Variants in SMIM14 observed in about 807,000 individuals in gnomAD.
SMIM14 encodes chromosome 4 open reading frame 34.
A neutral mutation model predicts 12.6 loss-of-function variants in SMIM14; 5 were observed. The ratio of observed to expected loss-of-function variants is 0.40; its 90% CI spans 0.21 to 0.83. SMIM14 has a LOEUF of 0.83. SMIM14 is among the 40% of genes least tolerant of loss of function. The pLI is 0.37. For missense variants in SMIM14, 86 were observed against 119.1 expected (o/e 0.72, Z 1.29); for synonymous variants, 30 against 40.1 (o/e 0.75, Z 0.95).
intron 1 of SMIM14, among the ~76,000 whole-genome samples, chr4:39,614,744 T>TA (rs1245412961): frequency 1.1e-4 from 16 of 152,348 alleles, no homozygotes; most frequent in Middle Eastern, 3.4e-3. Context: ...ACATGGTTTA[T>TA]AAGTGACTTT....
At chr4:39,635,728 T>C (rs760303849) in intron 1 of SMIM14, among the ~76,000 whole-genome samples, 2 of 152,248 alleles carry the variant, frequency 1.3e-5, no homozygotes, top group African/African-American at 2.4e-5. Context: ...AAACTCAAAA[T>C]AGGTTATTAG....
intron 2 of SMIM14, chr4:39,583,974 T>C (rs1216823550): frequency 6.6e-6 from 1 of 152,082 alleles, no homozygotes; most frequent in Non-Finnish European, 1.5e-5. Flanking sequence ...AGAACACAAG[T>C]ATGCACACTG....
At chr4:39,571,384 T>A (rs954325355) in intron 3 of SMIM14, among the ~76,000 whole-genome samples, 1 of 151,768 alleles carries the variant, frequency 6.6e-6, no homozygotes, top group African/African-American at 2.4e-5. Flanking sequence ...TTAAGACCCA[T>A]GTGGGCAACA....
intron 2 of SMIM14, among the ~76,000 whole-genome samples, chr4:39,580,614 C>T (rs1212356421): frequency 1.3e-5 from 2 of 152,062 alleles, no homozygotes; most frequent in Non-Finnish European, 2.9e-5. Flanking sequence ...GCAACCTCTG[C>T]CTCCCAGGTT....
chr4:39,610,651 C>T (rs1219478964), intron 1 of SMIM14, among the ~76,000 whole-genome samples: 3 of 148,984 alleles, frequency 2.0e-5, no homozygotes, highest in Middle Eastern at 3.4e-3. Flanking sequence ...GCTATGATCA[C>T]ACCACTGCAC....
chr4:39,605,288 G>T, intron 1 of SMIM14, 108 bp from the exon 2 acceptor site: 1 of 545,318 alleles, frequency 1.8e-6, no homozygotes, highest in Non-Finnish European at 3.2e-6. Flanking sequence ...ATTAAACTAT[G>T]TATAGTTTGT....
chr4:39,606,914 C>T lies in SMIM14; in HGVS notation c.-35-1734G>A, dbSNP rs537629841. Among the ~76,000 whole-genome samples the T allele has an allele frequency of 3.3e-5, 5 of 151,928 alleles. No homozygotes were observed. In the South Asian group the frequency reaches 6.2e-4, roughly 19 times the overall value. Reference sequence around the variant, plus strand: ...TGGTAGAGATAAAAACAATAGTGTCCGAAATGAAAAATACACCAGATGGGT... The same window carrying T: ...TGGTAGAGATAAAAACAATAGTGTCTGAAATGAAAAATACACCAGATGGGT... On this transcript the variant is annotated intron_variant, in intron 1 of 4. Coordinates refer to ENST00000295958, the MANE Select transcript of SMIM14 (RefSeq NM_174921.3).
chr4:39,612,009 T>C (rs1445657238), intron 1 of SMIM14: 5 of 151,798 alleles, frequency 3.3e-5, no homozygotes, highest in Non-Finnish European at 7.4e-5. Context: ...GAAAGGGAGA[T>C]GGAGATGCGG....
At chr4:39,568,020 G>C (rs1187448776) in intron 3 of SMIM14, among the ~76,000 whole-genome samples, 3 of 152,180 alleles carry the variant, frequency 2.0e-5, no homozygotes, top group Non-Finnish European at 2.9e-5. Context: ...GCTCACGCCT[G>C]TAATCCCAGC....
chr4:39,612,259 T>C (rs1715063148), intron 1 of SMIM14: 1 of 151,610 alleles, frequency 6.6e-6, no homozygotes, highest in Admixed American at 6.6e-5. Flanking sequence ...TTTCTTTTTT[T>C]GTTTTTTCTT....
chr4:39,614,390 C>T (rs959731215), intron 1 of SMIM14, among the ~76,000 whole-genome samples: 14 of 151,028 alleles, frequency 9.3e-5, no homozygotes, highest in African/African-American at 2.9e-4. Context: ...GGCACAATCT[C>T]GGCTCCCTGC....
intron 2 of SMIM14, among the ~76,000 whole-genome samples, chr4:39,596,314 C>G (rs1368179277): frequency 6.6e-6 from 1 of 152,096 alleles, no homozygotes; most frequent in East Asian, 1.9e-4. Flanking sequence ...AGGCTGGTCT[C>G]GAACTCCCGA....
chr4:39,578,282 G>T (rs1713305383), intron 2 of SMIM14, among the ~76,000 whole-genome samples: 1 of 152,070 alleles, frequency 6.6e-6, no homozygotes, highest in Non-Finnish European at 1.5e-5. Flanking sequence ...CAAGTAGCTG[G>T]TACCACAGGT....
chr4:39,563,439 T>G (rs1192000356), intron 3 of SMIM14, among the ~76,000 whole-genome samples: 2 of 152,190 alleles, frequency 1.3e-5, no homozygotes, highest in African/African-American at 2.4e-5. Flanking sequence ...ACACCACAGA[T>G]TCTAAGGCAC....
chr4:39,590,030 A>C, intron 2 of SMIM14, among the ~76,000 whole-genome samples: 1 of 151,072 alleles, frequency 6.6e-6, no homozygotes, highest in Non-Finnish European at 1.5e-5. Flanking sequence ...TTCAAAAAAA[A>C]AAAAAAAAAA....
chr4:39,615,091 A>G (rs1715171046), intron 1 of SMIM14, among the ~76,000 whole-genome samples: 1 of 151,464 alleles, frequency 6.6e-6, no homozygotes, highest in African/African-American at 2.5e-5. Flanking sequence ...TAGAGTCTCT[A>G]AAATGTTTTT....
At chr4:39,621,452 C>G (rs1715483429) in intron 1 of SMIM14, among the ~76,000 whole-genome samples, 1 of 152,120 alleles carries the variant, frequency 6.6e-6, no homozygotes, top group South Asian at 2.1e-4. Flanking sequence ...AAATTACAAA[C>G]TATGATAACT....
At chr4:39,622,301 C>T (rs537463192) in intron 1 of SMIM14, among the ~76,000 whole-genome samples, 7 of 152,250 alleles carry the variant, frequency 4.6e-5, no homozygotes, top group African/African-American at 1.2e-4. Context: ...CCAGGATGGT[C>T]TCGATCTCCT....
chr4:39,549,533 C>G lies in SMIM14; in HGVS notation c.*2593G>C, dbSNP rs987286742. ...AAGTGATCCACCTGCCCCAGCCTCC[C>G]AAAGTGCTGGGATTACAGGCATGAG... On this transcript the variant is annotated 3_prime_UTR_variant, in exon 5 of 5. Coordinates refer to ENST00000295958, the MANE Select transcript of SMIM14 (RefSeq NM_174921.3). 6.6e-6 allele frequency: 1 copy of G among 152,190 alleles called. No homozygotes were observed. The highest frequency in any genetic ancestry group is 1.5e-5 in the Non-Finnish European group (1 of 68,076). 9.4% of individuals were successfully genotyped at this position (152,190 alleles called of 1,614,324 possible).
Sources: gnomAD v4.1 joint callset for allele counts (sites outside exome capture counted in the v4.1 genomes callset) on GRCh38, gnomAD v4.1.1 for gene constraint, MANE v1.5 for transcripts, NCBI Gene and HGNC (gene_info 2026-07-23, HGNC 2026-07-21) for gene names.